Variants in LEMD1 observed in about 807,000 individuals in gnomAD.
LEMD1 encodes LEM domain containing 1.
Under a neutral mutation model 17.4 loss-of-function variants are expected in LEMD1, and 18 were observed. That is an observed-to-expected ratio of 1.04 (90% CI 0.72 to 1.54). The LOEUF (loss-of-function observed/expected upper bound fraction) is 1.54, where lower values mean the gene tolerates loss of function less well. LEMD1 is among the 40% of genes most tolerant of loss of function. The pLI, the probability that LEMD1 is intolerant of heterozygous loss-of-function variation, is 0.00. For missense variants in LEMD1, 195 were observed against 210.4 expected (o/e 0.93, Z 0.45); for synonymous variants, 88 against 77.8 (o/e 1.13, Z -0.69).
In LEMD1 at chr1:205,437,920, C is replaced by T. The variant is rs186129845; in HGVS notation, c.-39+11948G>A. On this transcript the variant is annotated intron_variant, in intron 1 of 3. Coordinates refer to the LEMD1 transcript ENST00000367154. Reference sequence around the variant, plus strand: ...GTGTATTTCAGTTAGTTAATTATTGCTCTTTTTTTTTCCTAAAAATAACAA... The same window carrying T: ...GTGTATTTCAGTTAGTTAATTATTGTTCTTTTTTTTTCCTAAAAATAACAA... 1.7e-3 allele frequency: 256 copies of T among 152,298 alleles called. 1 individual carries two copies. The highest frequency in any genetic ancestry group is 6.0e-3 in the African/African-American group (249 of 41,560). 9.4% of individuals were successfully genotyped at this position (152,298 alleles called of 1,614,324 possible).
chr1:205,440,205 C>T (rs936520962), intron 1 of LEMD1, among the ~76,000 whole-genome samples: 12 of 152,124 alleles, frequency 7.9e-5, no homozygotes, highest in African/African-American at 2.9e-4. Flanking sequence ...ACAGGCCTCC[C>T]CACATCTGTG....
chr1:205,404,516 A>T (rs1664999280), intron 4 of LEMD1, among the ~76,000 whole-genome samples: 1 of 152,020 alleles, frequency 6.6e-6, no homozygotes, highest in Non-Finnish European at 1.5e-5. Context: ...AGATACTAGG[A>T]TTGCAACCCC....
chr1:205,393,932 G>A (rs1234575311), intron 4 of LEMD1, among the ~76,000 whole-genome samples: 1 of 150,860 alleles, frequency 6.6e-6, no homozygotes, highest in Non-Finnish European at 1.5e-5. Flanking sequence ...GTTCACAACA[G>A]CCAAAAGGTA....
chr1:205,412,238 A>G (rs952922915), intron 4 of LEMD1, among the ~76,000 whole-genome samples: 3 of 152,176 alleles, frequency 2.0e-5, no homozygotes, highest in Non-Finnish European at 4.4e-5. Context: ...GGGCACTTAG[A>G]GACTGAGTTA....
intron 4 of LEMD1, among the ~76,000 whole-genome samples, chr1:205,413,483 G>A (rs1381193005): frequency 2.8e-4 from 42 of 149,920 alleles, no homozygotes; most frequent in Admixed American, 2.7e-3. Context: ...GAGATGAGGT[G>A]TCACCATCTT....
intron 4 of LEMD1, among the ~76,000 whole-genome samples, chr1:205,401,834 A>G (rs891588930): frequency 2.5e-4 from 38 of 152,256 alleles, no homozygotes; most frequent in African/African-American, 9.1e-4. Context: ...TTATGGTTTT[A>G]GGTCTAACGT....
chr1:205,395,282 CTT>C (rs1364262069), intron 4 of LEMD1, among the ~76,000 whole-genome samples: 1 of 152,064 alleles, frequency 6.6e-6, no homozygotes, highest in East Asian at 1.9e-4. Context: ...TTGTTGGAAA[CTT>C]TCTGTAATTT....
intron 2 of LEMD1, among the ~76,000 whole-genome samples, chr1:205,420,004 G>GT (rs1665886629): frequency 6.6e-6 from 1 of 152,152 alleles, no homozygotes. Context: ...AGAGTAACTG[G>GT]TTTTTCACTG....
At chr1:205,407,758 T>C (rs1190923311) in intron 4 of LEMD1, among the ~76,000 whole-genome samples, 1 of 152,118 alleles carries the variant, frequency 6.6e-6, no homozygotes, top group Non-Finnish European at 1.5e-5. Context: ...ACCCAGGACT[T>C]GAGATTGGCA....
At chr1:205,410,518 A>G (rs1665338655) in intron 4 of LEMD1, among the ~76,000 whole-genome samples, 1 of 152,202 alleles carries the variant, frequency 6.6e-6, no homozygotes, top group African/African-American at 2.4e-5. Flanking sequence ...GAAGTCAGAA[A>G]GAGAAAGATC....
At chr1:205,399,016 A>T (rs1266446289) in intron 4 of LEMD1, among the ~76,000 whole-genome samples, 1 of 152,188 alleles carries the variant, frequency 6.6e-6, no homozygotes, top group Non-Finnish European at 1.5e-5. Context: ...GGAGTTCAAG[A>T]CCAGCCTGGC....
intron 5 of LEMD1, among the ~76,000 whole-genome samples, chr1:205,382,717 C>T (rs1663779284): frequency 6.6e-6 from 1 of 152,192 alleles, no homozygotes; most frequent in African/African-American, 2.4e-5. Context: ...ATCCCCAAGT[C>T]CTCGCTGGGA....
chr1:205,413,587 CTTTTT>C (rs781477988), intron 4 of LEMD1, among the ~76,000 whole-genome samples: 3 of 72,478 alleles, frequency 4.1e-5, no homozygotes, highest in Non-Finnish European at 7.1e-5. Flanking sequence ...CCATGCCCAA[CTTTTT>C]TTTTTTTTTT....
intron 4 of LEMD1, chr1:205,386,463 C>T (rs1233432179): frequency 6.6e-6 from 1 of 152,172 alleles, no homozygotes; most frequent in African/African-American, 2.4e-5. Flanking sequence ...GCCACGATGC[C>T]TGGCTAATTT....
chr1:205,394,574 G>A (rs1006039697), intron 4 of LEMD1, among the ~76,000 whole-genome samples: 1 of 152,030 alleles, frequency 6.6e-6, no homozygotes, highest in African/African-American at 2.4e-5. Flanking sequence ...TAGTAGAGAT[G>A]AAGTTTTGCC....
At chr1:205,442,912 C>A (rs1407382140) in intron 1 of LEMD1, among the ~76,000 whole-genome samples, 6 of 152,170 alleles carry the variant, frequency 3.9e-5, no homozygotes, top group Admixed American at 3.9e-4. Context: ...TGCTAACATG[C>A]TGTGTCATCC....
intron 1 of LEMD1, among the ~76,000 whole-genome samples, chr1:205,432,382 C>T (rs1222479119): frequency 6.6e-6 from 1 of 152,214 alleles, no homozygotes; most frequent in East Asian, 1.9e-4. Flanking sequence ...GGCTCTTTCC[C>T]CTCATCCTAA....
At chr1:205,417,475 G>C (rs1338724988) in intron 3 of LEMD1, among the ~76,000 whole-genome samples, 1 of 152,198 alleles carries the variant, frequency 6.6e-6, no homozygotes, top group Non-Finnish European at 1.5e-5. Context: ...CTTTTCACCA[G>C]AGTGTTGGTT....
chr1:205,407,919 C>T lies in LEMD1; in HGVS notation c.270+8313G>A, dbSNP rs1314779253. Among the ~76,000 whole-genome samples, 4 of 152,154 alleles carry T rather than the reference C, an allele frequency of 2.6e-5. 1 individual carries two copies. Among genetic ancestry groups the T allele is most frequent in the African/African-American group, 9.7e-5 (4 of 41,412 alleles). On this transcript the variant is annotated intron_variant, in intron 4 of 5. Transcript: ENST00000367153. ...GTTGGCATGAGGAAAAAAACCCACA[C>T]ATTTGGCATCACAAGTGTTTTGTGG...
Sources: allele counts gnomAD v4.1 joint callset (sites outside exome capture counted in the v4.1 genomes callset), GRCh38; gene constraint gnomAD v4.1.1; transcripts MANE v1.5; gene names NCBI Gene and HGNC (gene_info 2026-07-23, HGNC 2026-07-21).